The following LSP1 variants were observed in gnomAD, a reference collection of about 807,000 sequenced individuals.
LSP1 encodes the protein lymphocyte-specific protein 1.
A neutral mutation model predicts 49.3 loss-of-function variants in LSP1; 32 were observed. The observed-to-expected ratio is 0.65, with a 90% CI of 0.49 to 0.87. The LOEUF (loss-of-function observed/expected upper bound fraction) is 0.87, where lower values mean the gene tolerates loss of function less well. Among genes scored for constraint, LSP1 ranks in the 40% least tolerant of loss-of-function variants. The pLI, the probability that LSP1 is intolerant of heterozygous loss-of-function variation, is 0.00. For missense variants in LSP1, 428 were observed against 442.6 expected (o/e 0.97, Z 0.30); for synonymous variants, 179 against 178.8 (o/e 1.00, Z -0.01).
intron 1 of LSP1, chr11:1,870,317 AG>A (rs972075742): frequency 3.9e-5 from 51 of 1,295,026 alleles, no homozygotes; most frequent in African/African-American, 1.4e-4. Context: ...GGGGCTTGGC[AG>A]GGGGTGCCCG....
rs1848659211 is a variant in LSP1 at position 1,884,134 on chromosome 11, T to C, written c.591+110T>C. ...AGACCAGGCCCAGGCCTGGCTTTTG[T>C]CTGCTATCCCCCCATTGCCCGGTGC... On this transcript the variant is annotated intron_variant, in intron 5 of 10. Transcript: ENST00000311604. The surrounding 1 kb of genome is among the most constrained non-coding windows in gnomAD (Gnocchi z 4.1). 6.9e-7 allele frequency: 1 copy of C among 1,443,256 alleles called. No individual in the cohort carries two copies. Among genetic ancestry groups the C allele is most frequent in the Non-Finnish European group, 9.7e-7 (1 of 1,033,558 alleles). The allele number at this position is 1,443,256 out of a possible 1,614,324, so 89.4% of individuals were successfully genotyped here.
intron 10 of LSP1, chr11:1,890,054 G>T: frequency 1.4e-6 from 1 of 708,060 alleles, no homozygotes; most frequent in Non-Finnish European, 2.6e-6. Context: ...CCTGGGTGAC[G>T]TGGGTGCCCC....
intron 1 of LSP1, among the ~76,000 whole-genome samples, chr11:1,878,061 G>A (rs533787405): frequency 1.3e-5 from 2 of 152,236 alleles, no homozygotes; most frequent in East Asian, 3.9e-4. Flanking sequence ...CCCATCGGAA[G>A]CCCAGGTCCA....
At chr11:1,853,271 T>C (rs1332655745) in intron 1 of LSP1, 74 bp downstream of exon 1, 2 of 1,494,932 alleles carry the variant, frequency 1.3e-6, no homozygotes, top group Non-Finnish European at 1.8e-6. Context: ...GCATGGAGGG[T>C]GGAGAACTGA....
chr11:1,887,421 A>T (rs1201406145), intron 9 of LSP1, 53 bp from the exon 10 acceptor site: 3 of 1,585,586 alleles, frequency 1.9e-6, no homozygotes, highest in Non-Finnish European at 2.6e-6. Context: ...CGGAGGCAGC[A>T]TCATCTCCTT....
At position 1,890,305 on chromosome 11, in the gene LSP1, G is replaced by T. The variant is rs748660413; in HGVS notation, c.*14-1468G>T. On this transcript the variant is annotated intron_variant, in intron 10 of 10. Coordinates refer to ENST00000311604, the MANE Select transcript of LSP1 (RefSeq NM_002339.3). ...GCGGGGCGTGGGGCTTCAGGAAGGC[G>T]TGGGGCTTCGGCGGGGTGCGGGCCC... The T allele has an allele frequency of 7.0e-6, 5 of 711,638 alleles. No homozygotes were observed. The South Asian group carries it at 7.4e-5, about 11-fold the overall frequency. The allele number at this position is 711,638 out of a possible 1,614,324, so 44.1% of individuals were successfully genotyped here.
chr11:1,853,286 C>A (rs1308054440), intron 1 of LSP1, 89 bp downstream of exon 1: 11 of 1,403,234 alleles, frequency 7.8e-6, no homozygotes, highest in East Asian at 2.4e-5. Context: ...AACTGAGGTG[C>A]CTGATGGGGA....
Position 1,884,090 on chromosome 11 carries a change from C to T in LSP1, c.591+66C>T. The T allele has an allele frequency of 3.3e-6, 5 of 1,519,678 alleles. No individual in the cohort carries two copies. The highest frequency in any genetic ancestry group is 4.5e-6 in the Non-Finnish European group (5 of 1,108,336). 94.1% of individuals were successfully genotyped at this position (1,519,678 alleles called of 1,614,324 possible). ...CGTACTCATACCCAAAAGGCCAATC[C>T]CACATGCCAGCCACAGGAAGACCAG... On this transcript the variant is annotated intron_variant, in intron 5 of 10. Coordinates refer to ENST00000311604, the MANE Select transcript of LSP1 (RefSeq NM_002339.3). This position sits in a 1 kb window ranked among gnomAD's most constrained non-coding sequence, Gnocchi z 4.1.
At chr11:1,891,520 C>T (rs74047639) in intron 10 of LSP1, 15,034 of 152,308 alleles carry the variant, frequency 0.099, 972 homozygotes, top group South Asian at 0.28. Context: ...GCTTGGCAGG[C>T]AGGCCGCCTT....
At chr11:1,889,691 C>G in intron 10 of LSP1, 1 of 638,042 alleles carries the variant, frequency 1.6e-6, no homozygotes, top group South Asian at 1.8e-5. Flanking sequence ...GGCCAGCCAT[C>G]GGGGGCTCCT....
chr11:1,874,192 G>A (rs920211631), intron 1 of LSP1, among the ~76,000 whole-genome samples: 3 of 64,012 alleles, frequency 4.7e-5, no homozygotes, highest in South Asian at 6.6e-4. Flanking sequence ...GGACAGTGGG[G>A]GCAGGCTGGG....
chr11:1,868,196 T>C (rs561571106), intron 1 of LSP1, among the ~76,000 whole-genome samples: 2 of 152,338 alleles, frequency 1.3e-5, no homozygotes, highest in East Asian at 1.9e-4. Context: ...CTGCTACCTG[T>C]GGGGTCCTGG....
At chr11:1,857,523 G>C (rs946339264) in intron 1 of LSP1, among the ~76,000 whole-genome samples, 1 of 152,228 alleles carries the variant, frequency 6.6e-6, no homozygotes, top group Non-Finnish European at 1.5e-5. Context: ...GGTGAGGGGT[G>C]GGGGCGTGAG....
chr11:1,887,309 A>G lies in LSP1; in HGVS notation c.925A>G (p.Ile309Val). 6.2e-7 allele frequency: 1 copy of G among 1,603,418 alleles called. No individual in the cohort carries two copies. Among genetic ancestry groups the G allele is most frequent in the Non-Finnish European group, 8.5e-7 (1 of 1,173,418 alleles). Residue 309 changes from isoleucine (I) to valine (V), a missense_variant, in exon 9 of 11, where the codon ATT becomes GTT. Transcript: ENST00000311604. ...GGGAGGCTCCAAGACCTCATCAACAATTAAGGTAGAGCCTAAATGTGGTTG... is the reference window on the plus strand; with the variant it reads ...GGGAGGCTCCAAGACCTCATCAACAGTTAAGGTAGAGCCTAAATGTGGTTG... ...QKGGSKTSST[I>V]KSTPSGKRYK...
chr11:1,883,679 C>T, intron 4 of LSP1, 119 bp downstream of exon 4: 1 of 1,271,144 alleles, frequency 7.9e-7, no homozygotes, highest in Admixed American at 2.7e-5. Context: ...CAGCACCCCA[C>T]ACCCCTAGAC....
chr11:1,861,654 G>A (rs1847632565), intron 1 of LSP1, among the ~76,000 whole-genome samples: 1 of 151,570 alleles, frequency 6.6e-6, no homozygotes, highest in Non-Finnish European at 1.5e-5. Flanking sequence ...TAAGTGAATG[G>A]ATGGATGGAT....
chr11:1,862,259 CT>C (rs1345201993), intron 1 of LSP1, among the ~76,000 whole-genome samples: 1 of 152,178 alleles, frequency 6.6e-6, no homozygotes, highest in African/African-American at 2.4e-5. Flanking sequence ...ATCAAATACT[CT>C]CCCATATTGT....
intron 3 of LSP1, among the ~76,000 whole-genome samples, chr11:1,882,722 T>C (rs906014070): frequency 2.0e-5 from 3 of 152,220 alleles, no homozygotes. Context: ...GGCCCCTCTG[T>C]GTGGCTGCTG....
chr11:1,891,358 G>T (rs1375033902), intron 10 of LSP1: 1 of 152,358 alleles, frequency 6.6e-6, no homozygotes, highest in East Asian at 1.9e-4. Context: ...CCGCTGGTGG[G>T]GGCTGGCTCT....
Sources: gnomAD v4.1 joint callset for allele counts (sites outside exome capture counted in the v4.1 genomes callset) on GRCh38, gnomAD v4.1.1 for gene constraint, Gnocchi (gnomAD v3.1) non-coding constraint, MANE v1.5 for transcripts, NCBI Gene and HGNC (gene_info 2026-07-23, HGNC 2026-07-21) for gene names.